The following CTNNA2 variants were observed in gnomAD, a reference collection of about 807,000 sequenced individuals.
CTNNA2 encodes the protein catenin alpha 2.
In CTNNA2, 42 loss-of-function variants were observed where a neutral mutation model predicts 101.0. The ratio of observed to expected loss-of-function variants is 0.42; its 90% confidence interval spans 0.32 to 0.54. The LOEUF (loss-of-function observed/expected upper bound fraction) is 0.54. Among genes scored for constraint, CTNNA2 ranks in the 20% least tolerant of loss-of-function variants. CTNNA2 has a pLI of 0.14. For missense variants in CTNNA2, 871 were observed against 1,223.1 expected (o/e 0.71, Z 4.29); for synonymous variants, 450 against 456.4 (o/e 0.99, Z 0.18).
chr2:79,865,884 T>C (rs1682047147), intron 4 of CTNNA2, among the ~76,000 whole-genome samples: 1 of 152,198 alleles, frequency 6.6e-6, no homozygotes, highest in Non-Finnish European at 1.5e-5. Context: ...CACGCCTGGC[T>C]AATTTTTTGT....
At chr2:79,866,225 G>T (rs570444752) in intron 4 of CTNNA2, among the ~76,000 whole-genome samples, 1 of 152,306 alleles carries the variant, frequency 6.6e-6, no homozygotes, top group South Asian at 2.1e-4. Flanking sequence ...GTTCTGAAAA[G>T]AATTTCTTAA....
intron 17 of CTNNA2, among the ~76,000 whole-genome samples, chr2:80,616,233 C>G (rs537920042): frequency 1.3e-5 from 2 of 151,762 alleles, no homozygotes; most frequent in African/African-American, 4.8e-5. Flanking sequence ...TTTTAAGAAC[C>G]ATGTACGTTT....
At chr2:79,382,827 A>G (rs186231645) in intron 4 of CTNNA2, among the ~76,000 whole-genome samples, 45 of 152,166 alleles carry the variant, frequency 3.0e-4, no homozygotes, top group Admixed American at 1.8e-3. Context: ...TGTTAGCCAG[A>G]ATGGTCTCGA....
intron 4 of CTNNA2, among the ~76,000 whole-genome samples, chr2:79,490,923 T>C (rs1464766362): frequency 1.3e-5 from 2 of 152,112 alleles, no homozygotes; most frequent in Non-Finnish European, 2.9e-5. Context: ...CCATACCCCA[T>C]TGTGATATGA....
At position 80,268,313 on chromosome 2, in the gene CTNNA2, T is replaced by C. The variant is rs186595552; in HGVS notation, c.1057-124898T>C. On this transcript the variant is annotated intron_variant, in intron 7 of 18. Transcript: ENST00000402739. ...CTAAAGAGGTCTCTGCTTCCTTTTG[T>C]AGTGTTTTGAAATTTGCAAACCTGT... is the stretch of plus-strand genomic sequence containing the variant. Among the ~76,000 whole-genome samples the C allele has an allele frequency of 1.1e-3, 172 of 152,346 alleles. 1 individual carries two copies. The highest frequency in any genetic ancestry group is 2.1e-4 in the Non-Finnish European group (14 of 68,020).
intron 3 of CTNNA2, among the ~76,000 whole-genome samples, chr2:79,825,601 A>T (rs1300454874): frequency 6.6e-6 from 1 of 152,172 alleles, no homozygotes; most frequent in East Asian, 1.9e-4. Context: ...TGCAGATTTC[A>T]GTTTGAGATT....
intron 7 of CTNNA2, among the ~76,000 whole-genome samples, chr2:80,125,528 G>T (rs1702063670): frequency 1.3e-5 from 2 of 152,146 alleles, no homozygotes; most frequent in Admixed American, 1.3e-4. Context: ...TGCAAGGAAG[G>T]CATCTCTAAG....
intron 3 of CTNNA2, among the ~76,000 whole-genome samples, chr2:79,853,271 A>T (rs1680870488): frequency 6.6e-6 from 1 of 152,156 alleles, no homozygotes; most frequent in South Asian, 2.1e-4. Flanking sequence ...CTCCTGCCTC[A>T]GCCTCTAGAG....
At chr2:79,949,705 T>C (rs1051226201) in intron 7 of CTNNA2, among the ~76,000 whole-genome samples, 1 of 151,994 alleles carries the variant, frequency 6.6e-6, no homozygotes, top group African/African-American at 2.4e-5. Context: ...TTGGGCCCAG[T>C]AGTTCGAGGC....
intron 7 of CTNNA2, among the ~76,000 whole-genome samples, chr2:80,237,145 A>C (rs1709591307): frequency 6.6e-6 from 1 of 152,152 alleles, no homozygotes; most frequent in South Asian, 2.1e-4. Context: ...GTTCAGAATA[A>C]GTGTCTTACA....
chr2:79,920,319 A>C (rs1203328728), intron 7 of CTNNA2, among the ~76,000 whole-genome samples: 1 of 152,186 alleles, frequency 6.6e-6, no homozygotes, highest in Non-Finnish European at 1.5e-5. Context: ...TCTTGACTAC[A>C]TTAGTGCATT....
At chr2:80,166,203 T>A (rs1156384418) in intron 7 of CTNNA2, among the ~76,000 whole-genome samples, 1 of 152,180 alleles carries the variant, frequency 6.6e-6, no homozygotes, top group Non-Finnish European at 1.5e-5. Context: ...TTTTCAACCA[T>A]ACCTGAGTTT....
chr2:80,116,902 AGTGTGTGT>A (rs112383959), intron 7 of CTNNA2, among the ~76,000 whole-genome samples: 9 of 143,518 alleles, frequency 6.3e-5, no homozygotes, highest in South Asian at 2.3e-4. Context: ...AGAAGAAAAT[AGTGTGTGT>A]GTGTGTGTGT....
At chr2:80,151,140 G>A (rs1317888615) in intron 7 of CTNNA2, among the ~76,000 whole-genome samples, 1 of 152,134 alleles carries the variant, frequency 6.6e-6, no homozygotes, top group Non-Finnish European at 1.5e-5. Flanking sequence ...TTCGTCCCAG[G>A]CTCTGTGCCT....
intron 7 of CTNNA2, among the ~76,000 whole-genome samples, chr2:80,284,585 C>G (rs1240298881): frequency 6.6e-6 from 1 of 151,840 alleles, no homozygotes; most frequent in East Asian, 1.9e-4. Context: ...ATGAATCCAC[C>G]AGTTCCATCC....
At chr2:79,231,025 G>A (rs1674485562) in intron 2 of CTNNA2, among the ~76,000 whole-genome samples, 1 of 152,146 alleles carries the variant, frequency 6.6e-6, no homozygotes, top group African/African-American at 2.4e-5. Flanking sequence ...AGGCTCATAG[G>A]GAGAAGGGAG....
chr2:80,128,389 G>A (rs951551986), intron 7 of CTNNA2, among the ~76,000 whole-genome samples: 3 of 152,122 alleles, frequency 2.0e-5, no homozygotes, highest in Non-Finnish European at 2.9e-5. Flanking sequence ...GGCTTTGGGA[G>A]GATTGACACA....
intron 7 of CTNNA2, among the ~76,000 whole-genome samples, chr2:80,011,986 T>C (rs961016277): frequency 6.6e-6 from 1 of 152,176 alleles, no homozygotes; most frequent in African/African-American, 2.4e-5. Flanking sequence ...CATACACCAC[T>C]TCTGATTACT....
At chr2:79,823,961 T>C (rs928334813) in intron 3 of CTNNA2, among the ~76,000 whole-genome samples, 77 of 152,050 alleles carry the variant, frequency 5.1e-4, no homozygotes, top group Non-Finnish European at 2.9e-4. Flanking sequence ...GCCAAAACAG[T>C]GCTAAATGCA....
Sources: allele counts gnomAD v4.1 joint callset (sites outside exome capture counted in the v4.1 genomes callset), GRCh38; gene constraint gnomAD v4.1.1; transcripts MANE v1.5; gene names NCBI Gene and HGNC (gene_info 2026-07-23, HGNC 2026-07-21).